The following MAN1C1 variants were observed in gnomAD, a reference collection of about 807,000 sequenced individuals.
MAN1C1 encodes the protein mannosidase alpha class 1C member 1.
In MAN1C1, 49 loss-of-function variants were observed where a neutral mutation model predicts 71.5. That is an observed-to-expected ratio of 0.69 (90% CI 0.54 to 0.87). MAN1C1 has a LOEUF of 0.87. Ranked by LOEUF, MAN1C1 falls within the 40% of genes least tolerant of loss-of-function variation. The pLI is 0.00. For missense variants in MAN1C1, 743 were observed against 835.0 expected, an observed-to-expected ratio of 0.89 and a Z score of 1.36; for synonymous variants, 352 against 343.7, an observed-to-expected ratio of 1.02 and a Z score of -0.27.
At chr1:25,666,453 C>T (rs2982311) in intron 1 of MAN1C1, among the ~76,000 whole-genome samples, 34,477 of 152,052 alleles carry the variant, frequency 0.23, 3,995 homozygotes, top group East Asian at 0.37. Context: ...TTCTCAGGTT[C>T]ACAAACGGAA....
intron 2 of MAN1C1, among the ~76,000 whole-genome samples, chr1:25,736,649 C>G (rs963727892): frequency 6.6e-6 from 1 of 152,166 alleles, no homozygotes; most frequent in Non-Finnish European, 1.5e-5. Context: ...ACCTCAGCCT[C>G]CCAAGTAGCT....
At chr1:25,763,733 C>A in intron 6 of MAN1C1, 141 bp from the exon 7 acceptor site, 1 of 690,218 alleles carries the variant, frequency 1.4e-6, no homozygotes, top group Non-Finnish European at 2.6e-6. Context: ...AGCCTGCAGT[C>A]CGTTGGGCAG....
At chr1:25,621,345 A>G (rs571613473) in intron 1 of MAN1C1, among the ~76,000 whole-genome samples, 1 of 152,254 alleles carries the variant, frequency 6.6e-6, no homozygotes, top group South Asian at 2.1e-4. Flanking sequence ...AATTATTCCC[A>G]TTACCCTCAG....
chr1:25,700,322 A>C (rs763175767), intron 2 of MAN1C1, among the ~76,000 whole-genome samples: 2 of 152,232 alleles, frequency 1.3e-5, no homozygotes, highest in African/African-American at 2.4e-5. Flanking sequence ...CACGCAGGGC[A>C]TGGCTCCCAG....
At chr1:25,724,667 T>C (rs1321430952) in intron 2 of MAN1C1, among the ~76,000 whole-genome samples, 1 of 152,152 alleles carries the variant, frequency 6.6e-6, no homozygotes, top group Admixed American at 6.5e-5. Flanking sequence ...ATTGGGACCA[T>C]TGGTGCAAAC....
rs1202466044 is a variant in MAN1C1, at chr1:25,634,559, C to T, written c.540+16222C>T. ...TAGGCTGGACACATGGTGGCTCACA[C>T]CTGTAATCCTAGCACTTTGAGAGGC... On this transcript the variant is annotated intron_variant, in intron 1 of 11. Transcript: ENST00000374332. The surrounding 1 kb of genome is among the most constrained non-coding windows in gnomAD (Gnocchi z 4.6). Among the ~76,000 whole-genome samples, 5 of 152,288 alleles carry T rather than the reference C, an allele frequency of 3.3e-5. No individual in the cohort carries two copies. The highest frequency in any genetic ancestry group is 2.1e-4 in the South Asian group (1 of 4,826).
In MAN1C1 at chr1:25,634,089, C is replaced by T. The variant is rs1337669382; in HGVS notation, c.540+15752C>T. On this transcript the variant is annotated intron_variant, in intron 1 of 11. Coordinates refer to ENST00000374332, the MANE Select transcript of MAN1C1 (RefSeq NM_020379.4). The surrounding 1 kb of genome is among the most constrained non-coding windows in gnomAD (Gnocchi z 4.6). Reference sequence around the variant, plus strand: ...TGTATATTGATTTTGTATCATATGACCTTATTGAACCAATTTATTATGTAT... The same window carrying T: ...TGTATATTGATTTTGTATCATATGATCTTATTGAACCAATTTATTATGTAT... Among the ~76,000 whole-genome samples the T allele has an allele frequency of 6.6e-6, 1 of 152,042 alleles. No individual in the cohort carries two copies. Among genetic ancestry groups the T allele is most frequent in the Non-Finnish European group, 1.5e-5 (1 of 68,014 alleles).
Position 25,782,476 on chromosome 1 carries a change from G to A in MAN1C1, c.1651-109G>A, listed in dbSNP as rs540890492. ...AGGAGTCCCCAGCCAAGGGGTGGGGGTGCTGTCTGCTTTCTTCTAGCTCCA... is the reference window on the plus strand; with the variant it reads ...AGGAGTCCCCAGCCAAGGGGTGGGGATGCTGTCTGCTTTCTTCTAGCTCCA... On this transcript the variant is annotated intron_variant, in intron 10 of 11. Transcript: ENST00000374332. This position sits in a 1 kb window ranked among gnomAD's most constrained non-coding sequence, Gnocchi z 4.4. 8.8e-5 allele frequency: 60 copies of A among 678,526 alleles called. No homozygotes were observed. The African/African-American group carries it at 1.1e-3, about 12-fold the overall frequency. The allele number at this position is 678,526 out of a possible 1,614,324, so 42.0% of individuals were successfully genotyped here.
Position 25,616,885 on chromosome 1 carries a change from C to G in MAN1C1, c.-913C>G, listed in dbSNP as rs1395627735. Among the ~76,000 whole-genome samples, 1 of 148,994 alleles carries G rather than the reference C, an allele frequency of 6.7e-6. No homozygotes were observed. ...GGGGCGCAGGCTCGGCGGCAGCGGC[C>G]GGTCTGGAGCGGCCGCTGCGAGGAA... On this transcript the variant is annotated 5_prime_UTR_variant, in exon 1 of 12. Coordinates refer to ENST00000374332, the MANE Select transcript of MAN1C1 (RefSeq NM_020379.4). The surrounding 1 kb of genome is among the most constrained non-coding windows in gnomAD (Gnocchi z 5.6).
At chr1:25,695,135 G>A (rs1460522562) in intron 2 of MAN1C1, among the ~76,000 whole-genome samples, 1 of 152,034 alleles carries the variant, frequency 6.6e-6, no homozygotes, top group Non-Finnish European at 1.5e-5. Context: ...CTCAGTGTTG[G>A]GCTATGTTGC....
intron 1 of MAN1C1, among the ~76,000 whole-genome samples, chr1:25,653,883 A>G (rs561886573): frequency 6.6e-6 from 1 of 152,254 alleles, no homozygotes; most frequent in East Asian, 1.9e-4. Context: ...AGGGGAGTCA[A>G]AGGTCAGTTT....
At chr1:25,716,383 A>T (rs542616049) in intron 2 of MAN1C1, among the ~76,000 whole-genome samples, 61 of 152,244 alleles carry the variant, frequency 4.0e-4, no homozygotes, top group African/African-American at 1.3e-3. Flanking sequence ...CCCAGGTTGG[A>T]GTACAGTGGC....
At chr1:25,720,205 C>CT (rs397862845) in intron 2 of MAN1C1, among the ~76,000 whole-genome samples, 24,457 of 147,228 alleles carry the variant, frequency 0.17, 2,471 homozygotes, top group African/African-American at 0.29. Flanking sequence ...TATTCAAATC[C>CT]TTTTTTTTTT....
chr1:25,681,676 G>A (rs1401976600), intron 1 of MAN1C1, among the ~76,000 whole-genome samples: 1 of 152,142 alleles, frequency 6.6e-6, no homozygotes, highest in Non-Finnish European at 1.5e-5. Flanking sequence ...AGAATTGTTA[G>A]GTCATATGGT....
intron 2 of MAN1C1, among the ~76,000 whole-genome samples, chr1:25,744,868 C>A (rs1024655970): frequency 6.6e-6 from 1 of 152,184 alleles, no homozygotes; most frequent in Non-Finnish European, 1.5e-5. Context: ...GTTTCCACTG[C>A]GGAAGGTGGA....
chr1:25,663,840 G>A (rs1030613058), intron 1 of MAN1C1, among the ~76,000 whole-genome samples: 1 of 152,150 alleles, frequency 6.6e-6, no homozygotes, highest in Non-Finnish European at 1.5e-5. Flanking sequence ...ATACCCAGGA[G>A]GCCCACCAAG....
chr1:25,673,155 G>A (rs1171941013), intron 1 of MAN1C1, among the ~76,000 whole-genome samples: 1 of 152,168 alleles, frequency 6.6e-6, no homozygotes, highest in Non-Finnish European at 1.5e-5. Flanking sequence ...TTTCTGATAT[G>A]AGCCAGCAGC....
At chr1:25,669,009 G>C (rs1436724900) in intron 1 of MAN1C1, among the ~76,000 whole-genome samples, 1 of 152,184 alleles carries the variant, frequency 6.6e-6, no homozygotes, top group Admixed American at 6.5e-5. Flanking sequence ...CTGAAATTTT[G>C]AAAGAGTCCG....
chr1:25,761,875 G>A (rs915844323), intron 6 of MAN1C1, among the ~76,000 whole-genome samples: 2 of 151,778 alleles, frequency 1.3e-5, no homozygotes, highest in Non-Finnish European at 2.9e-5. Flanking sequence ...TGCCCGCCTC[G>A]GCCTCCCAAA....
Sources: gnomAD v4.1 joint callset for allele counts (sites outside exome capture counted in the v4.1 genomes callset) on GRCh38, gnomAD v4.1.1 for gene constraint, Gnocchi (gnomAD v3.1) non-coding constraint, MANE v1.5 for transcripts, NCBI Gene and HGNC (gene_info 2026-07-23, HGNC 2026-07-21) for gene names.